The following MPDZ variants were observed in gnomAD, a reference collection of about 807,000 sequenced individuals.
MPDZ encodes multiple PDZ domain crumbs cell polarity complex component.
In MPDZ, 234 loss-of-function variants were observed where a neutral mutation model predicts 239.1. The observed-to-expected ratio is 0.98, with a 90% confidence interval of 0.88 to 1.09. The LOEUF (loss-of-function observed/expected upper bound fraction) is 1.09, where lower values mean the gene tolerates loss of function less well. MPDZ is among the 50% of genes least tolerant of loss of function. The probability of loss-of-function intolerance (pLI) is 0.00; values close to 1 mark genes in which losing one functional copy is unlikely to be tolerated. For synonymous variants in MPDZ, 1,048 were observed against 881.3 expected (o/e 1.19, Z -3.35); for missense variants, 3,175 against 2,510.0 (o/e 1.26, Z -5.66).
intron 1 of MPDZ, among the ~76,000 whole-genome samples, chr9:13,277,128 T>G (rs988687154): frequency 6.6e-6 from 1 of 152,072 alleles, no homozygotes; most frequent in African/African-American, 2.4e-5. Flanking sequence ...AAAGATGTCT[T>G]TAAGGGTCAA....
intron 3 of MPDZ, among the ~76,000 whole-genome samples, chr9:13,226,543 C>A (rs1960672027): frequency 6.6e-6 from 1 of 152,058 alleles, no homozygotes; most frequent in Non-Finnish European, 1.5e-5. Context: ...TATTCTTCCC[C>A]AAATATCCAC....
Position 13,194,526 on chromosome 9 carries a change from TCA to T in MPDZ, c.1657-1215_1657-1214del, listed in dbSNP as rs1359851319. On this transcript the variant is annotated intron_variant, in intron 13 of 46. Coordinates refer to ENST00000319217, the MANE Select transcript of MPDZ (RefSeq NM_001378778.1). ...ATACAAGGACACAGGGAGGGAAACATCACACACTAGGGCCTGTAGGGTGGTGG... is the reference window on the plus strand; with the variant it reads ...ATACAAGGACACAGGGAGGGAAACATCACACTAGGGCCTGTAGGGTGGTGG... 2.6e-5 allele frequency among the ~76,000 whole-genome samples: 4 copies of T among 151,954 alleles called. No individual in the cohort carries two copies. In the East Asian group the frequency reaches 7.8e-4, roughly 30 times the overall value.
At chr9:13,109,723 C>T (rs1339009851) in intron 45 of MPDZ, among the ~76,000 whole-genome samples, 1 of 152,186 alleles carries the variant, frequency 6.6e-6, no homozygotes, top group African/African-American at 2.4e-5. Flanking sequence ...AGGGTAGTAG[C>T]ACGCATATCT....
At position 13,222,352 on chromosome 9, in the gene MPDZ, G is replaced by A. The variant is rs372127610; in HGVS notation, c.628C>T (p.Gln210Ter). 5 of 1,612,996 alleles carry A rather than the reference G, an allele frequency of 3.1e-6. No individual in the cohort carries two copies. Among genetic ancestry groups the A allele is most frequent in the Non-Finnish European group, 4.2e-6 (5 of 1,179,310 alleles). Residue 210 changes from glutamine to a stop codon, truncating the protein, a stop_gained, in exon 6 of 47, where the codon CAG (glutamine) becomes TAG (stop). Coordinates refer to ENST00000319217, the MANE Select transcript of MPDZ (RefSeq NM_001378778.1). LOFTEE classifies it high-confidence loss of function. The stretch of plus-strand genomic sequence containing the variant: ...AGCTGGACAGTATCTTTGGCTTTCT[G>A]CAGGATGCTGATAGCCTGCTGATGT... ...ITHQQAISIL[Q>*]KAKDTVQLVI...
intron 10 of MPDZ, among the ~76,000 whole-genome samples, chr9:13,215,350 A>G (rs971028375): frequency 5.9e-5 from 9 of 151,400 alleles, no homozygotes; most frequent in Non-Finnish European, 1.3e-4. Context: ...ACATTTTGAT[A>G]TATATATATC....
chr9:13,125,230 G>T lies in MPDZ; in HGVS notation c.4793C>A (p.Pro1598Gln). The T allele has an allele frequency of 6.2e-7, 1 of 1,600,062 alleles. No homozygotes were observed. The highest frequency in any genetic ancestry group is 8.5e-7 in the Non-Finnish European group (1 of 1,170,876). Residue 1598 changes from proline (P) to glutamine (Q), a missense_variant, in exon 35 of 47, where the codon CCG becomes CAG. Transcript: ENST00000319217. ...AGAGGCCTTACTTCGGATGGACTCC[G>T]GTTCTGGGGAGCCAGACTGTGGGAC... The part of the protein sequence containing the change: ...LMVPQSGSPE[P>Q]ESIRNTSRSS...
At chr9:13,239,288 A>AAT (rs1564106941) in intron 3 of MPDZ, among the ~76,000 whole-genome samples, 1 of 152,164 alleles carries the variant, frequency 6.6e-6, no homozygotes, top group Non-Finnish European at 1.5e-5. Context: ...TAAAACAAAA[A>AAT]ATATGGAGTT....
At chr9:13,233,504 G>C (rs1035439376) in intron 3 of MPDZ, among the ~76,000 whole-genome samples, 1 of 151,982 alleles carries the variant, frequency 6.6e-6, no homozygotes, top group Non-Finnish European at 1.5e-5. Flanking sequence ...TAAAGGGGAG[G>C]ATTAGGACTG....
intron 1 of MPDZ, among the ~76,000 whole-genome samples, chr9:13,251,630 A>C (rs745734488): frequency 6.6e-6 from 1 of 152,226 alleles, no homozygotes; most frequent in Non-Finnish European, 1.5e-5. Flanking sequence ...TTCTCTTAGA[A>C]AGAACAAGTC....
At position 13,140,071 on chromosome 9, in the gene MPDZ, C is replaced by A. The variant is rs199509495; in HGVS notation, c.3919G>T (p.Glu1307Ter). 6.2e-7 allele frequency: 1 copy of A among 1,612,840 alleles called. No individual in the cohort carries two copies. Among genetic ancestry groups the A allele is most frequent in the Non-Finnish European group, 8.5e-7 (1 of 1,179,688 alleles). Residue 1307 changes from glutamate to a stop codon, truncating the protein, a stop_gained, in exon 28 of 47, where the codon GAA becomes TAA. Coordinates refer to ENST00000319217, the MANE Select transcript of MPDZ (RefSeq NM_001378778.1). LOFTEE classifies it high-confidence loss of function. ...GACTGTGTGTGATCACTACCCATTTCGGCAAAGGCTGAAGGAGGGGGTGGG... is the reference window on the plus strand; with the variant it reads ...GACTGTGTGTGATCACTACCCATTTAGGCAAAGGCTGAAGGAGGGGGTGGG... ...VPPPPPSAFA[E>*]MGSDHTQSSA...
rs533746102 is a variant in MPDZ at position 13,123,089 on chromosome 9, A to G, written c.4953+64T>C. ...TACTAGAACTGATAGAAATCTCCCC[A>G]TAATCGTCTCTGAGGCCTGGCTGAA... On this transcript the variant is annotated intron_variant, in intron 36 of 46. Coordinates refer to ENST00000319217, the MANE Select transcript of MPDZ (RefSeq NM_001378778.1). The G allele has an allele frequency of 3.8e-5, 56 of 1,484,778 alleles. No individual in the cohort carries two copies. The African/African-American group carries it at 7.4e-4, about 20-fold the overall frequency. The allele number at this position is 1,484,778 out of a possible 1,614,324, so 92.0% of individuals were successfully genotyped here.
Position 13,176,318 on chromosome 9 carries a change from G to C in MPDZ, c.2749C>G (p.Pro917Ala). Residue 917 changes from proline to alanine, a missense_variant, in exon 20 of 47, where the codon CCT (proline) becomes GCT (alanine). Transcript: ENST00000319217. ...NLLQRQDENT[P>A]SVDISMGPAS... is the part of the protein sequence containing the mutation. ...GGCCCCATACTTATGTCCACCGAAG[G>C]TGTATTCTCATCCTGTCTTTGCAGG... 1.2e-6 allele frequency: 2 copies of C among 1,609,602 alleles called. No individual in the cohort carries two copies. The highest frequency in any genetic ancestry group is 1.7e-5 in the Admixed American group (1 of 59,546).
At chr9:13,270,919 T>G (rs760445200) in intron 1 of MPDZ, among the ~76,000 whole-genome samples, 3 of 152,074 alleles carry the variant, frequency 2.0e-5, no homozygotes, top group Admixed American at 6.6e-5. Flanking sequence ...GTCACAGGAG[T>G]GACAGATCTA....
At chr9:13,150,834 T>C (rs1407668556) in intron 24 of MPDZ, 146 bp from the exon 25 acceptor site, 2 of 549,786 alleles carry the variant, frequency 3.6e-6, no homozygotes, top group African/African-American at 3.9e-5. Flanking sequence ...TTTATCAAAA[T>C]TAAAAACTTC....
rs939150169 is a variant in MPDZ at position 13,279,686 on chromosome 9, C to G, written c.-344G>C. 6.6e-6 allele frequency: 1 copy of G among 150,602 alleles called. No homozygotes were observed. Among genetic ancestry groups the G allele is most frequent in the African/African-American group, 2.4e-5 (1 of 41,256 alleles). The allele number at this position is 150,602 out of a possible 1,614,324, so 9.3% of individuals were successfully genotyped here. The stretch of plus-strand genomic sequence containing the variant: ...GCTGCCGCGGAGGCGGTGGCGGGGC[C>G]CAGGCTGCTGGGGCTGCCGTGACGC... On this transcript the variant is annotated 5_prime_UTR_variant, in exon 1 of 47. Transcript: ENST00000319217.
rs753981773 is a variant in MPDZ at position 13,113,975 on chromosome 9, G to C, written c.5513C>G (p.Ser1838Cys). ...ACTTTCCAGTGACTCAGATGTACTG[G>C]ATCCAGAGAGTGGAAAAGTGAAAGA... ...LSSFTFPLSG[S>C]STSESLESSS... The change falls in exon 41 of 47, where the codon TCC (serine) becomes TGC (cysteine). Residue 1838 changes from serine to cysteine, a missense_variant. By Grantham distance (112) the Ser-to-Cys change is moderately radical. Transcript: ENST00000319217. The C allele has an allele frequency of 3.1e-6, 5 of 1,598,916 alleles. No homozygotes were observed. The East Asian group carries it at 9.0e-5, about 29-fold the overall frequency.
At chr9:13,238,150 TAAAC>T (rs1046828842) in intron 3 of MPDZ, among the ~76,000 whole-genome samples, 1 of 152,142 alleles carries the variant, frequency 6.6e-6, no homozygotes, top group African/African-American at 2.4e-5. Context: ...GCTGCAGACA[TAAAC>T]AACCAAGCTG....
intron 3 of MPDZ, among the ~76,000 whole-genome samples, chr9:13,236,197 A>ATATGTG (rs1554715983): frequency 1.9e-4 from 15 of 76,968 alleles, no homozygotes; most frequent in East Asian, 9.7e-4. Context: ...TTCTGTATAT[A>ATATGTG]TGTGTGTGTG....
At chr9:13,271,676 C>T (rs534462509) in intron 1 of MPDZ, among the ~76,000 whole-genome samples, 9 of 152,254 alleles carry the variant, frequency 5.9e-5, no homozygotes, top group Non-Finnish European at 1.2e-4. Context: ...CTTATAGAAC[C>T]TCAAAGAGTA....
Sources: allele counts gnomAD v4.1 joint callset (sites outside exome capture counted in the v4.1 genomes callset), GRCh38; gene constraint gnomAD v4.1.1; transcripts MANE v1.5; gene names NCBI Gene and HGNC (gene_info 2026-07-23, HGNC 2026-07-21).